ATP7B: variants seen among roughly 807,000 people sequenced by gnomAD.
ATP7B encodes the protein ATPase copper transporting beta, also known as copper-transporting ATPase 2.
Under a neutral mutation model 118.9 loss-of-function variants are expected in ATP7B, and 113 were observed. The ratio of observed to expected loss-of-function variants is 0.95; its 90% CI spans 0.82 to 1.11. The LOEUF is 1.11. Ranked by LOEUF, ATP7B falls within the 50% of genes most tolerant of loss-of-function variation. The pLI, the probability that ATP7B is intolerant of heterozygous loss-of-function variation, is 0.00. For missense variants in ATP7B, 1,867 were observed against 1,871.4 expected (o/e 1.00, Z 0.04); for synonymous variants, 777 against 727.4 (o/e 1.07, Z -1.10).
At chr13:51,961,422 A>C (rs1289921796) in intron 6 of ATP7B, among the ~76,000 whole-genome samples, 1 of 152,092 alleles carries the variant, frequency 6.6e-6, no homozygotes, top group Non-Finnish European at 1.5e-5. Context: ...TTCAAATTCT[A>C]GTTCTAGAAC....
intron 4 of ATP7B, among the ~76,000 whole-genome samples, chr13:51,965,649 AGAC>A (rs1354488091): frequency 4.6e-5 from 7 of 152,218 alleles, no homozygotes; most frequent in African/African-American, 1.7e-4. Context: ...AGCTCGAAAA[AGAC>A]GACAGGCAGG....
chr13:51,942,197 T>A (rs1229073243), intron 15 of ATP7B, among the ~76,000 whole-genome samples, 189 bp downstream of exon 15: 1 of 152,188 alleles, frequency 6.6e-6, no homozygotes, highest in Non-Finnish European at 1.5e-5. Flanking sequence ...AAGGCAGCCA[T>A]AAGCAACAAA....
At chr13:51,953,200 G>C (rs1489599968) in intron 9 of ATP7B, among the ~76,000 whole-genome samples, 2 of 152,200 alleles carry the variant, frequency 1.3e-5, no homozygotes, top group Non-Finnish European at 2.9e-5. Flanking sequence ...CGATGGAGAA[G>C]TCCAGGCTGA....
chr13:51,957,804 G>C, intron 8 of ATP7B, 197 bp from the exon 9 acceptor site: 1 of 602,676 alleles, frequency 1.7e-6, no homozygotes, highest in African/African-American at 1.8e-5. Flanking sequence ...GTGATGCACA[G>C]TGCCTGTGCC....
At chr13:51,967,041 G>A in intron 4 of ATP7B, 1 of 1,610,036 alleles carries the variant, frequency 6.2e-7, no homozygotes, top group African/African-American at 1.3e-5. Context: ...ATCAGGAGTG[G>A]GATGGGAAGG....
In ATP7B at chr13:51,934,600, A is replaced by G; in HGVS notation, c.*156T>C. On this transcript the variant is annotated 3_prime_UTR_variant, in exon 21 of 21. Coordinates refer to ENST00000242839, the MANE Select transcript of ATP7B (RefSeq NM_000053.4). Reference sequence around the variant, plus strand: ...AGGCCAAGCCCAGCTGCACCCAGACAAGGCCGCGTGCTGCAGGGCAGGATG... The same window carrying G: ...AGGCCAAGCCCAGCTGCACCCAGACGAGGCCGCGTGCTGCAGGGCAGGATG... The G allele has an allele frequency of 4.0e-6, 5 of 1,253,958 alleles. No individual in the cohort carries two copies. Among genetic ancestry groups the G allele is most frequent in the Non-Finnish European group, 5.6e-6 (5 of 898,898 alleles). 77.7% of individuals were successfully genotyped at this position (1,253,958 alleles called of 1,614,324 possible).
intron 1 of ATP7B, among the ~76,000 whole-genome samples, chr13:51,992,795 T>C (rs1952979490): frequency 6.6e-6 from 1 of 151,658 alleles, no homozygotes; most frequent in Non-Finnish European, 1.5e-5. Context: ...CTGGGCAACA[T>C]GGGGAAACCT....
chr13:51,935,506 T>C (rs1400263587), intron 20 of ATP7B, 87 bp downstream of exon 20: 2 of 1,378,996 alleles, frequency 1.5e-6, no homozygotes, highest in Non-Finnish European at 2.0e-6. Context: ...GAATGGGAAA[T>C]GAGAGGCAAG....
chr13:51,979,736 T>A (rs1275735129), intron 1 of ATP7B, among the ~76,000 whole-genome samples: 1 of 152,162 alleles, frequency 6.6e-6, no homozygotes, highest in African/African-American at 2.4e-5. Flanking sequence ...CAGTTTACAT[T>A]TTTTGGTCCT....
intron 9 of ATP7B, among the ~76,000 whole-genome samples, chr13:51,950,708 A>C (rs1957945251): frequency 6.6e-6 from 1 of 152,104 alleles, no homozygotes; most frequent in Non-Finnish European, 1.5e-5. Flanking sequence ...TGATGAAAAA[A>C]ACAAGGATAA....
intron 1 of ATP7B, 187 bp from the exon 2 acceptor site, chr13:51,975,355 A>G (rs1382387835): frequency 2.4e-6 from 2 of 824,984 alleles, no homozygotes; most frequent in South Asian, 1.3e-5. Flanking sequence ...GAGCTCTGAC[A>G]TTCTTCTCTG....
At chr13:51,952,704 T>A (rs1027290520) in intron 9 of ATP7B, among the ~76,000 whole-genome samples, 1 of 152,250 alleles carries the variant, frequency 6.6e-6, no homozygotes, top group Non-Finnish European at 1.5e-5. Flanking sequence ...AATATTTGCA[T>A]CATTATTTTC....
chr13:51,980,928 G>T (rs1952382244), intron 1 of ATP7B, among the ~76,000 whole-genome samples: 1 of 152,070 alleles, frequency 6.6e-6, no homozygotes, highest in Non-Finnish European at 1.5e-5. Context: ...AACTTTCATG[G>T]GATTCAAAAT....
At position 51,957,580 on chromosome 13, in the gene ATP7B, G is replaced by A. The variant is rs751710854; in HGVS notation, c.2383C>T (p.Leu795Phe). 2.1e-5 allele frequency: 34 copies of A among 1,614,062 alleles called. No homozygotes were observed. Among genetic ancestry groups the A allele is most frequent in the Middle Eastern group, 1.6e-4 (1 of 6,084 alleles). The stretch of plus-strand genomic sequence containing the variant: ...GCTTCTGTGGCTTGGAGAGACATGA[G>A]TTTAGCCAGGGCTTCTGAGGTTTTG... ...KSKTSEALAK[L>F]MSLQATEATV... Residue 795 changes from leucine to phenylalanine, a missense_variant, in exon 9 of 21, where the codon CTC (leucine) becomes TTC (phenylalanine). Coordinates refer to ENST00000242839, the MANE Select transcript of ATP7B (RefSeq NM_000053.4).
chr13:51,957,724 G>A, intron 8 of ATP7B, 117 bp from the exon 9 acceptor site: 5 of 976,362 alleles, frequency 5.1e-6, no homozygotes, highest in South Asian at 2.7e-5. Context: ...CAGCCGCACG[G>A]CACGATAAAA....
intron 8 of ATP7B, 154 bp downstream of exon 8, chr13:51,958,157 G>T: frequency 1.2e-6 from 1 of 836,422 alleles, no homozygotes; most frequent in Non-Finnish European, 1.9e-6. Flanking sequence ...TTGGAGATTA[G>T]TGACTAGAGC....
Position 51,944,285 on chromosome 13 carries a change from T to C in ATP7B, c.3067A>G (p.Thr1023Ala), listed in dbSNP as rs746935474. The C allele has an allele frequency of 6.2e-7, 1 of 1,613,824 alleles. No individual in the cohort carries two copies. Among genetic ancestry groups the C allele is most frequent in the South Asian group, 1.1e-5 (1 of 91,078 alleles). Residue 1023 changes from threonine to alanine, a missense_variant, in exon 14 of 21, where the codon ACT becomes GCT. Physicochemically the swap from Thr to Ala is moderately conservative, Grantham distance 58. Transcript: ENST00000242839. Reference sequence around the variant, plus strand: ...GTGCCAGTCTTGTCAAACATCACAGTCTTTATCTGCCAAAAACAACCACAA... The same window carrying C: ...GTGCCAGTCTTGTCAAACATCACAGCCTTTATCTGCCAAAAACAACCACAA... ...KPLEMAHKIK[T>A]VMFDKTGTIT...
chr13:51,984,216 C>T (rs1049218556), intron 1 of ATP7B, among the ~76,000 whole-genome samples: 2 of 151,976 alleles, frequency 1.3e-5, no homozygotes, highest in African/African-American at 4.8e-5. Flanking sequence ...TAGAGAGGAA[C>T]ATAAATGACC....
intron 1 of ATP7B, among the ~76,000 whole-genome samples, chr13:52,009,279 G>A (rs540088479): frequency 5.3e-4 from 81 of 152,320 alleles, no homozygotes; most frequent in Non-Finnish European, 7.6e-4. Flanking sequence ...CATCTGTTGA[G>A]AACCTCCATT....
Sources: gnomAD v4.1 joint callset for allele counts (sites outside exome capture counted in the v4.1 genomes callset) on GRCh38, gnomAD v4.1.1 for gene constraint, MANE v1.5 for transcripts, NCBI Gene and HGNC (gene_info 2026-07-23, HGNC 2026-07-21) for gene names.